The following NEDD9 variants were observed in gnomAD, a reference collection of about 807,000 sequenced individuals.
The protein encoded by NEDD9 is enhancer of filamentation 1.
NEDD9 carries 26 observed loss-of-function variants against 76.6 expected under a neutral mutation model. That is an observed-to-expected ratio of 0.34 (90% CI 0.25 to 0.47). The LOEUF is 0.47. Among genes scored for constraint, NEDD9 ranks in the 20% least tolerant of loss-of-function variants. The pLI is 1.00. For missense variants in NEDD9, 937 were observed against 1,058.5 expected (o/e 0.89, Z 1.59); for synonymous variants, 392 against 414.2 (o/e 0.95, Z 0.65).
chr6:11,245,656 A>G (rs541833813), intron 3 of NEDD9, among the ~76,000 whole-genome samples: 5 of 152,210 alleles, frequency 3.3e-5, no homozygotes, highest in Non-Finnish European at 7.3e-5. Flanking sequence ...TCACACCGTA[A>G]AGTTATGTAA....
chr6:11,307,140 A>C (rs117030224), intron 2 of NEDD9, among the ~76,000 whole-genome samples: 3 of 152,186 alleles, frequency 2.0e-5, no homozygotes, highest in South Asian at 4.1e-4. Context: ...AAATAAGAAG[A>C]GTGTCTGGCA....
intron 1 of NEDD9, among the ~76,000 whole-genome samples, chr6:11,346,488 C>CT (rs397765048): frequency 6.6e-6 from 1 of 151,576 alleles, no homozygotes; most frequent in Non-Finnish European, 1.5e-5. Context: ...CCCCCCCCCC[C>CT]GAGGTGAGTG....
At chr6:11,189,450 C>T (rs1049735663) in intron 5 of NEDD9, among the ~76,000 whole-genome samples, 3 of 152,214 alleles carry the variant, frequency 2.0e-5, no homozygotes, top group Non-Finnish European at 4.4e-5. Context: ...AGCAATTATA[C>T]ACACACATAC....
At chr6:11,352,145 T>C (rs1011533737) in intron 1 of NEDD9, 3 of 152,288 alleles carry the variant, frequency 2.0e-5, no homozygotes, top group African/African-American at 7.2e-5. Flanking sequence ...GAAGACTTTC[T>C]GAGCCTACCC....
At chr6:11,327,915 C>T (rs1161710754) in intron 2 of NEDD9, among the ~76,000 whole-genome samples, 4 of 152,366 alleles carry the variant, frequency 2.6e-5, no homozygotes, top group African/African-American at 7.2e-5. Flanking sequence ...AGGAATGGAA[C>T]AGCTGTGCAA....
chr6:11,234,712 ATTTTTTT>A (rs140513398), upstream of NEDD9, among the ~76,000 whole-genome samples: 102 of 136,974 alleles, frequency 7.4e-4, no homozygotes, highest in African/African-American at 2.6e-3. Flanking sequence ...AACATTTTTA[ATTTTTTT>A]TTTTTTTTTT....
chr6:11,371,195 T>G (rs564735459), intron 1 of NEDD9, among the ~76,000 whole-genome samples: 1 of 152,190 alleles, frequency 6.6e-6, no homozygotes, highest in Non-Finnish European at 1.5e-5. Flanking sequence ...TGCTCCCACA[T>G]GCACACAGGC....
chr6:11,257,810 T>TGTGC (rs1340885962), intron 3 of NEDD9, among the ~76,000 whole-genome samples: 1 of 151,294 alleles, frequency 6.6e-6, no homozygotes, highest in African/African-American at 2.4e-5. Flanking sequence ...TGTGTGTGTG[T>TGTGC]GCAGTACGGC....
chr6:11,244,265 ACACACACACACGTGTGTGCACG>A (rs1291439699), intron 3 of NEDD9, among the ~76,000 whole-genome samples: 13 of 152,086 alleles, frequency 8.5e-5, no homozygotes, highest in African/African-American at 1.7e-4. Context: ...CTCTTTACAC[ACACACACACACGTGTGTGCACG>A]CACACACACA....
chr6:11,259,754 T>G (rs1220710073), intron 3 of NEDD9, among the ~76,000 whole-genome samples: 3 of 152,210 alleles, frequency 2.0e-5, no homozygotes, highest in Non-Finnish European at 4.4e-5. Context: ...AATTTTCCTA[T>G]TAACAGAGGT....
chr6:11,351,305 A>G (rs924362704), intron 1 of NEDD9, among the ~76,000 whole-genome samples: 6 of 152,196 alleles, frequency 3.9e-5, no homozygotes. Context: ...TGTGAAGTTC[A>G]AGGCCTGGAG....
chr6:11,233,236 C>G (rs576259875), upstream of NEDD9: 3 of 518,896 alleles, frequency 5.8e-6, no homozygotes, highest in South Asian at 4.2e-5. Flanking sequence ...TTTCAACGTT[C>G]AAAGTACTTT....
chr6:11,345,934 G>A (rs1005267332), intron 1 of NEDD9, among the ~76,000 whole-genome samples: 1 of 152,182 alleles, frequency 6.6e-6, no homozygotes, highest in Admixed American at 6.5e-5. Flanking sequence ...CACAACTTCT[G>A]CACCTGCTCT....
chr6:11,271,122 C>T (rs1310524758), intron 3 of NEDD9, among the ~76,000 whole-genome samples: 1 of 152,216 alleles, frequency 6.6e-6, no homozygotes, highest in Non-Finnish European at 1.5e-5. Context: ...CAGCCTCCAT[C>T]TCCTGGGCTC....
upstream of NEDD9, among the ~76,000 whole-genome samples, chr6:11,236,399 C>T (rs1759601872): frequency 6.6e-6 from 1 of 152,198 alleles, no homozygotes; most frequent in African/African-American, 2.4e-5. This position sits in a 1 kb window ranked among gnomAD's most constrained non-coding sequence, Gnocchi z 5.5. Context: ...CCAGCTGCAA[C>T]TGGGCACTGG....
At chr6:11,299,213 C>G (rs1178744645) in intron 3 of NEDD9, among the ~76,000 whole-genome samples, 2 of 152,192 alleles carry the variant, frequency 1.3e-5, no homozygotes, top group African/African-American at 4.8e-5. Context: ...GTGGGTCCCA[C>G]GCCCACAGAG....
intron 3 of NEDD9, among the ~76,000 whole-genome samples, chr6:11,253,013 G>C (rs1759940692): frequency 6.6e-6 from 1 of 152,154 alleles, no homozygotes; most frequent in Non-Finnish European, 1.5e-5. Context: ...TGTGGGAGAG[G>C]AGTAGGGGCA....
At chr6:11,363,671 C>T (rs1762715496) in intron 1 of NEDD9, among the ~76,000 whole-genome samples, 1 of 152,146 alleles carries the variant, frequency 6.6e-6, no homozygotes, top group South Asian at 2.1e-4. Context: ...CAACAACATC[C>T]CCAGTTACGG....
chr6:11,321,980 G>A (rs1320978666), intron 2 of NEDD9, among the ~76,000 whole-genome samples: 1 of 152,162 alleles, frequency 6.6e-6, no homozygotes, highest in African/African-American at 2.4e-5. Flanking sequence ...TATACGCCAT[G>A]GAATACTATG....
Sources: allele counts gnomAD v4.1 joint callset (sites outside exome capture counted in the v4.1 genomes callset), GRCh38; gene constraint gnomAD v4.1.1; non-coding constraint Gnocchi (gnomAD v3.1); transcripts MANE v1.5; gene names NCBI Gene and HGNC (gene_info 2026-07-23, HGNC 2026-07-21).